The following DLG2 variants were observed in gnomAD, a reference collection of about 807,000 sequenced individuals.
DLG2 encodes discs large MAGUK scaffold protein 2, also known as disks large homolog 2.
Under a neutral mutation model 132.5 loss-of-function variants are expected in DLG2, and 45 were observed. The observed-to-expected ratio is 0.34, with a 90% confidence interval of 0.27 to 0.44. DLG2 has a LOEUF of 0.44. Ranked by LOEUF, DLG2 falls within the 20% of genes least tolerant of loss-of-function variation. The pLI, the probability that DLG2 is intolerant of heterozygous loss-of-function variation, is 1.00. For missense variants in DLG2, 1,045 were observed against 1,196.9 expected (o/e 0.87, Z 1.87); for synonymous variants, 424 against 419.6 (o/e 1.01, Z -0.13).
At chr11:83,822,993 A>G (rs1317638808) in intron 17 of DLG2, among the ~76,000 whole-genome samples, 1 of 152,164 alleles carries the variant, frequency 6.6e-6, no homozygotes, top group Non-Finnish European at 1.5e-5. Flanking sequence ...TGAATAAAAC[A>G]GCAGCATGAT....
intron 3 of DLG2, among the ~76,000 whole-genome samples, chr11:85,359,434 T>C (rs1227622083): frequency 1.3e-5 from 2 of 152,190 alleles, no homozygotes; most frequent in African/African-American, 4.8e-5. Flanking sequence ...TAGGAAAAAC[T>C]ACTTTACTAA....
intron 6 of DLG2, among the ~76,000 whole-genome samples, chr11:84,571,508 C>CTACTATGTCT (rs1243806179): frequency 1.3e-5 from 2 of 152,022 alleles, no homozygotes; most frequent in Non-Finnish European, 2.9e-5. Flanking sequence ...TGCTTGGTCT[C>CTACTATGTCT]TACTATGTCT....
At chr11:84,061,851 C>A (rs201186383) in intron 10 of DLG2, among the ~76,000 whole-genome samples, 180 of 135,958 alleles carry the variant, frequency 1.3e-3, no homozygotes, top group African/African-American at 2.6e-3. Flanking sequence ...CTCTGATTGA[C>A]AAAAAAAAAA....
intron 6 of DLG2, among the ~76,000 whole-genome samples, chr11:84,784,435 CTCAT>C (rs1359751422): frequency 6.6e-6 from 1 of 151,546 alleles, no homozygotes; most frequent in Non-Finnish European, 1.5e-5. Flanking sequence ...TGGGTCCTCT[CTCAT>C]TCTTTGTATT....
rs373044848 is a variant in DLG2 at position 83,550,450 on chromosome 11, C to T, written c.1941-8592G>A. 3.3e-5 allele frequency among the ~76,000 whole-genome samples: 5 copies of T among 152,286 alleles called. No individual in the cohort carries two copies. In the East Asian group the frequency reaches 9.7e-4, roughly 29 times the overall value. On this transcript the variant is annotated intron_variant, in intron 19 of 27. Transcript: ENST00000376104. The stretch of plus-strand genomic sequence containing the variant: ...CAGGGACGGGGCCCATTTGAGCCCA[C>T]CTTCTCTTTCAGGCTGTCCTGGCAG...
At chr11:85,151,268 T>C (rs1602992) in intron 5 of DLG2, among the ~76,000 whole-genome samples, 14,283 of 152,248 alleles carry the variant, frequency 0.094, 912 homozygotes, top group African/African-American at 0.18. Flanking sequence ...GATATAAAGC[T>C]TTCACATATA....
intron 6 of DLG2, among the ~76,000 whole-genome samples, chr11:84,737,589 G>T (rs2064022344): frequency 6.6e-6 from 1 of 151,692 alleles, no homozygotes; most frequent in African/African-American, 2.4e-5. Flanking sequence ...AGCAGGAGTG[G>T]GGGATGTGAT....
intron 8 of DLG2, among the ~76,000 whole-genome samples, chr11:84,181,143 T>C (rs2096115552): frequency 6.6e-6 from 1 of 152,014 alleles, no homozygotes; most frequent in South Asian, 2.1e-4. Context: ...TATATAATCA[T>C]ATATATGCAT....
At chr11:83,738,826 A>C (rs2092248507) in intron 18 of DLG2, among the ~76,000 whole-genome samples, 1 of 152,038 alleles carries the variant, frequency 6.6e-6, no homozygotes, top group African/African-American at 2.4e-5. Context: ...TGCCATCTGG[A>C]CCATGAAAGT....
intron 4 of DLG2, among the ~76,000 whole-genome samples, chr11:85,276,116 T>C (rs1045244747): frequency 6.6e-6 from 1 of 152,174 alleles, no homozygotes; most frequent in Non-Finnish European, 1.5e-5. Context: ...TCTTTACTGT[T>C]ACATTCTGAT....
At chr11:84,617,335 T>C (rs911640459) in intron 6 of DLG2, among the ~76,000 whole-genome samples, 3 of 152,160 alleles carry the variant, frequency 2.0e-5, no homozygotes, top group African/African-American at 4.8e-5. Flanking sequence ...TATGGCCACA[T>C]AGTATTCCAC....
chr11:84,805,842 C>T (rs2075933063), intron 6 of DLG2, among the ~76,000 whole-genome samples: 2 of 152,086 alleles, frequency 1.3e-5, no homozygotes, highest in African/African-American at 4.8e-5. Flanking sequence ...TTCTTTACAG[C>T]AGTGTGAGAA....
chr11:85,214,205 T>C (rs1476886203), intron 4 of DLG2, among the ~76,000 whole-genome samples: 1 of 152,166 alleles, frequency 6.6e-6, no homozygotes, highest in Non-Finnish European at 1.5e-5. Context: ...TCCTTTCAGC[T>C]GCTACTTTTT....
chr11:84,948,878 C>T (rs2155411), intron 6 of DLG2, among the ~76,000 whole-genome samples: 103,998 of 152,078 alleles, frequency 0.68, 36,332 homozygotes, highest in East Asian at 0.95. Flanking sequence ...AGGATTGCTG[C>T]ACAATTTAAA....
intron 6 of DLG2, among the ~76,000 whole-genome samples, chr11:84,719,579 T>C (rs991646830): frequency 1.4e-4 from 21 of 152,154 alleles, no homozygotes; most frequent in African/African-American, 4.8e-4. Flanking sequence ...GGAAGCACCA[T>C]TAATATATTT....
chr11:84,080,946 C>T (rs1348097912), intron 10 of DLG2, among the ~76,000 whole-genome samples: 6 of 150,122 alleles, frequency 4.0e-5, no homozygotes, highest in African/African-American at 1.2e-4. Flanking sequence ...GAGCCGAGAT[C>T]GCACCATTGC....
chr11:85,546,818 CTTTTTTTTT>C (rs34822004), intron 3 of DLG2, among the ~76,000 whole-genome samples: 2 of 68,972 alleles, frequency 2.9e-5, no homozygotes, highest in African/African-American at 6.1e-5. Flanking sequence ...ATAACCCCTG[CTTTTTTTTT>C]TTTTTTTTTT....
intron 9 of DLG2, among the ~76,000 whole-genome samples, chr11:84,142,120 G>A (rs1015686142): frequency 6.6e-6 from 1 of 151,862 alleles, no homozygotes; most frequent in African/African-American, 2.4e-5. Context: ...TGGCCAACAC[G>A]GTGAAACCAC....
At chr11:84,409,173 A>C (rs755579223) in intron 7 of DLG2, among the ~76,000 whole-genome samples, 1 of 152,134 alleles carries the variant, frequency 6.6e-6, no homozygotes, top group Non-Finnish European at 1.5e-5. Context: ...TTCTGCTCTG[A>C]GTGCTTCTCT....
Sources: allele counts gnomAD v4.1 joint callset (sites outside exome capture counted in the v4.1 genomes callset), GRCh38; gene constraint gnomAD v4.1.1; transcripts MANE v1.5; gene names NCBI Gene and HGNC (gene_info 2026-07-23, HGNC 2026-07-21).